Variants in MSRB3 observed in about 807,000 individuals in gnomAD.
The protein encoded by MSRB3 is methionine sulfoxide reductase B3.
In MSRB3, 13 loss-of-function variants were observed where a neutral mutation model predicts 21.0. The ratio of observed to expected loss-of-function variants is 0.62; its 90% CI spans 0.40 to 0.98. The LOEUF is 0.98. MSRB3 is among the 50% of genes least tolerant of loss of function. MSRB3 has a pLI of 0.00. For synonymous variants in MSRB3, 87 were observed against 88.6 expected, an observed-to-expected ratio of 0.98 and a Z score of 0.10; for missense variants, 199 against 230.3, an observed-to-expected ratio of 0.86 and a Z score of 0.88.
intron 4 of MSRB3, among the ~76,000 whole-genome samples, chr12:65,361,866 A>G (rs1277381302): frequency 6.6e-6 from 1 of 152,144 alleles, no homozygotes; most frequent in African/African-American, 2.4e-5. Flanking sequence ...GCTCATGATT[A>G]TCCTGATTTC....
intron 5 of MSRB3, chr12:65,418,667 C>T: frequency 6.2e-6 from 4 of 640,224 alleles, no homozygotes; most frequent in African/African-American, 1.9e-5. Context: ...TTTTTTTAAC[C>T]TCTGAACTTT....
chr12:65,347,898 C>A (rs575363050), intron 4 of MSRB3, among the ~76,000 whole-genome samples: 1 of 152,090 alleles, frequency 6.6e-6, no homozygotes, highest in Non-Finnish European at 1.5e-5. Context: ...TACTGATTTG[C>A]GTATGTTGAA....
At chr12:65,440,372 A>T (rs1443856420) in intron 5 of MSRB3, among the ~76,000 whole-genome samples, 1 of 151,886 alleles carries the variant, frequency 6.6e-6, no homozygotes, top group African/African-American at 2.4e-5. Context: ...AATAATTATA[A>T]TGCAGATGTT....
intron 4 of MSRB3, among the ~76,000 whole-genome samples, chr12:65,354,489 G>A (rs938475392): frequency 6.6e-6 from 1 of 151,822 alleles, no homozygotes; most frequent in African/African-American, 2.4e-5. Context: ...TTCCATCACT[G>A]ATAACCCTTT....
At chr12:65,317,088 G>A (rs147286340) in intron 2 of MSRB3, among the ~76,000 whole-genome samples, 43 of 152,250 alleles carry the variant, frequency 2.8e-4, no homozygotes, top group Non-Finnish European at 5.6e-4. Flanking sequence ...GAACCTGGCT[G>A]TCATTAACCA....
chr12:65,279,407 C>A (rs1187776028), intron 1 of MSRB3: 1 of 152,060 alleles, frequency 6.6e-6, no homozygotes. Flanking sequence ...CACCCGGGAG[C>A]GCACCCGCCG....
intron 5 of MSRB3, among the ~76,000 whole-genome samples, chr12:65,391,023 T>G (rs1367491738): frequency 1.3e-5 from 2 of 152,212 alleles, no homozygotes; most frequent in Non-Finnish European, 2.9e-5. Flanking sequence ...ATGTTCCAGT[T>G]GTTTTTAAAT....
At chr12:65,375,215 A>G (rs1878544589) in intron 5 of MSRB3, among the ~76,000 whole-genome samples, 1 of 152,154 alleles carries the variant, frequency 6.6e-6, no homozygotes. Context: ...TTTCTAAACT[A>G]ACTTGACCAG....
intron 4 of MSRB3, among the ~76,000 whole-genome samples, chr12:65,351,514 G>A (rs555629351): frequency 0.038 from 5,719 of 149,648 alleles, 228 homozygotes; most frequent in South Asian, 0.09. Flanking sequence ...AAAAATTAAT[G>A]AATCCAGGAG....
In MSRB3 at chr12:65,455,740, G is replaced by GT. The variant is rs199680792; in HGVS notation, c.390+1923dup. Among the ~76,000 whole-genome samples, 266 of 151,730 alleles carry GT rather than the reference G, an allele frequency of 1.8e-3. 3 individuals are homozygous for GT. The East Asian group carries it at 0.034, about 19-fold the overall frequency. On this transcript the variant is annotated intron_variant, in intron 6 of 6. Transcript: ENST00000308259. ...TTGGCTTAATGCGATATAGTTTGGG[G>GT]TTTTTTTTGTTTTTGAAATGGGATC... is the stretch of plus-strand genomic sequence containing the variant.
chr12:65,446,878 T>G (rs1006289147), intron 5 of MSRB3, among the ~76,000 whole-genome samples: 3 of 152,226 alleles, frequency 2.0e-5, no homozygotes, highest in African/African-American at 7.2e-5. Context: ...AATGGGGACC[T>G]GACAACGAGG....
chr12:65,430,255 A>C (rs1294697614), intron 5 of MSRB3, among the ~76,000 whole-genome samples: 3 of 152,188 alleles, frequency 2.0e-5, no homozygotes, highest in African/African-American at 7.2e-5. Flanking sequence ...GTAAACATTT[A>C]CTGTTTTAAG....
At chr12:65,345,079 A>G (rs563213282) in intron 4 of MSRB3, among the ~76,000 whole-genome samples, 2 of 152,170 alleles carry the variant, frequency 1.3e-5, no homozygotes, top group South Asian at 2.1e-4. Context: ...AGATTTATCA[A>G]TTGTCTGAAT....
chr12:65,451,784 T>C (rs929756544), intron 5 of MSRB3, among the ~76,000 whole-genome samples: 12 of 152,230 alleles, frequency 7.9e-5, no homozygotes, highest in African/African-American at 2.7e-4. Flanking sequence ...TCTCTCTCTT[T>C]CTTGTGGAAC....
chr12:65,281,409 T>C (rs1201787993), intron 1 of MSRB3, among the ~76,000 whole-genome samples: 1 of 152,190 alleles, frequency 6.6e-6, no homozygotes, highest in Non-Finnish European at 1.5e-5. Flanking sequence ...ACCTACTACA[T>C]GTGGTTCAAA....
At chr12:65,460,867 T>C (rs915788000) in intron 6 of MSRB3, among the ~76,000 whole-genome samples, 2 of 152,072 alleles carry the variant, frequency 1.3e-5, no homozygotes, top group African/African-American at 2.4e-5. Flanking sequence ...GTTCAACAGA[T>C]TCAATTACTG....
Position 65,312,007 on chromosome 12 carries a change from A to G in MSRB3, c.76+3352A>G, listed in dbSNP as rs115186354. Among the ~76,000 whole-genome samples, 969 of 152,028 alleles carry G rather than the reference A, an allele frequency of 6.4e-3. 7 individuals are homozygous for G. Among genetic ancestry groups the G allele is most frequent in the African/African-American group, 0.022 (905 of 41,520 alleles). ...ATTAAAGGTAATTTTTCTCTCGCAG[A>G]ATTTCTTCTTAATTTCTTACAACAG... On this transcript the variant is annotated intron_variant, in intron 2 of 6. Coordinates refer to ENST00000308259, the MANE Select transcript of MSRB3 (RefSeq NM_001031679.3).
At chr12:65,354,817 A>G (rs12318811) in intron 4 of MSRB3, among the ~76,000 whole-genome samples, 13,955 of 151,878 alleles carry the variant, frequency 0.092, 2,199 homozygotes, top group African/African-American at 0.32. Flanking sequence ...TGAAAGTAAG[A>G]TTTTGAAGAT....
intron 5 of MSRB3, chr12:65,419,110 G>C (rs889621658): frequency 8.7e-6 from 6 of 685,830 alleles, no homozygotes; most frequent in Middle Eastern, 3.4e-4. Flanking sequence ...GGACTGGGCT[G>C]TATGTTACAG....
Sources: allele counts gnomAD v4.1 joint callset (sites outside exome capture counted in the v4.1 genomes callset), GRCh38; gene constraint gnomAD v4.1.1; transcripts MANE v1.5; gene names NCBI Gene and HGNC (gene_info 2026-07-23, HGNC 2026-07-21).